SLC34A2: variants seen among roughly 807,000 people sequenced by gnomAD.
The protein encoded by SLC34A2 is sodium-dependent phosphate transport protein 2B.
SLC34A2 carries 41 observed loss-of-function variants against 50.8 expected under a neutral mutation model. That is an observed-to-expected ratio of 0.81 (90% CI 0.63 to 1.05). The LOEUF is 1.05. Ranked by LOEUF, SLC34A2 falls within the 50% of genes least tolerant of loss-of-function variation. SLC34A2 has a pLI of 0.00. For synonymous variants in SLC34A2, 401 were observed against 364.2 expected, an observed-to-expected ratio of 1.10 and a Z score of -1.15; for missense variants, 879 against 876.7, an observed-to-expected ratio of 1.00 and a Z score of -0.03.
chr4:25,666,073 T>C (rs920703740), intron 4 of SLC34A2, 55 bp from the exon 5 acceptor site: 4 of 1,604,250 alleles, frequency 2.5e-6, no homozygotes, highest in South Asian at 2.2e-5. Flanking sequence ...AGTGCCCACC[T>C]AATCCCCCTC....
chr4:25,668,834 T>C (rs1714655145), intron 6 of SLC34A2, among the ~76,000 whole-genome samples: 1 of 151,660 alleles, frequency 6.6e-6, no homozygotes, highest in Non-Finnish European at 1.5e-5. Context: ...CTGGAAACTC[T>C]TTTCTTTCAA....
At position 25,669,826 on chromosome 4, in the gene SLC34A2, C is replaced by T; in HGVS notation, c.815C>T (p.Thr272Ile). ...DLLKVITKPFTKLIVQLDKKV... is the reference protein window; with the variant it reads ...DLLKVITKPFIKLIVQLDKKV... ...CTGAAAGTCATCACTAAGCCCTTCA[C>T]AAAGCTCATTGTCCAGGTAACTTAG... is the stretch of plus-strand genomic sequence containing the variant. Residue 272 changes from threonine (T) to isoleucine (I), a missense_variant, in exon 7 of 13, where the codon ACA becomes ATA. Transcript: ENST00000382051. 1 of 1,614,166 alleles carries T rather than the reference C, an allele frequency of 6.2e-7. No individual in the cohort carries two copies. The highest frequency in any genetic ancestry group is 8.5e-7 in the Non-Finnish European group (1 of 1,180,002).
At chr4:25,675,466 T>C (rs1715062480) in intron 12 of SLC34A2, among the ~76,000 whole-genome samples, 1 of 152,234 alleles carries the variant, frequency 6.6e-6, no homozygotes, top group Non-Finnish European at 1.5e-5. Flanking sequence ...AAAGATCTGA[T>C]GAGGCAAAGC....
chr4:25,673,289 G>GATGGA (rs372725249), intron 10 of SLC34A2, 35 bp downstream of exon 10: 32 of 1,610,014 alleles, frequency 2.0e-5, no homozygotes, highest in Non-Finnish European at 2.7e-5. Context: ...GGCCTCACAT[G>GATGGA]TAGTCACTGC....
In SLC34A2 at chr4:25,676,227, G is replaced by A. The variant is rs761538283; in HGVS notation, c.1551G>A (p.Gly517=). The change falls in exon 13 of 13, where the codon GGG becomes GGA. Residue 517 remains glycine (G), a synonymous_variant. Transcript: ENST00000382051. ...FTRLPIRMAK[G]LGNISAKYRW... ...GCCTGCCCATCCGCATGGCCAAGGG[G>A]CTGGGCAACATCTCTGCCAAGTATC... is the stretch of plus-strand genomic sequence containing the variant. 6.2e-7 allele frequency: 1 copy of A among 1,614,174 alleles called. No individual in the cohort carries two copies. Among genetic ancestry groups the A allele is most frequent in the South Asian group, 1.1e-5 (1 of 91,072 alleles).
chr4:25,665,947 G>A (rs530116650), intron 4 of SLC34A2, among the ~76,000 whole-genome samples, 181 bp from the exon 5 acceptor site: 14 of 152,132 alleles, frequency 9.2e-5, no homozygotes, highest in African/African-American at 2.9e-4. Context: ...CTGCCTTATC[G>A]GGGCAGCACT....
chr4:25,676,330 T>G lies in SLC34A2; in HGVS notation c.1654T>G (p.Trp552Gly). The change falls in exon 13 of 13, where the codon TGG (tryptophan) becomes GGG (glycine). Residue 552 changes from tryptophan (W) to glycine (G), a missense_variant. Trp to Gly is a radical substitution (Grantham distance 184). Coordinates refer to ENST00000382051, the MANE Select transcript of SLC34A2 (RefSeq NM_006424.3). ...LTVFGLSLAGWRVLVGVGVPV... is the reference protein window; with the variant it reads ...LTVFGLSLAGGRVLVGVGVPV... ...GGTGTTTGGCCTCTCGCTGGCCGGC[T>G]GGCGGGTGCTGGTTGGTGTCGGGGT... 5 of 1,614,226 alleles carry G rather than the reference T, an allele frequency of 3.1e-6. No individual in the cohort carries two copies. Among genetic ancestry groups the G allele is most frequent in the Non-Finnish European group, 4.2e-6 (5 of 1,180,050 alleles).
Position 25,674,024 on chromosome 4 carries a change from G to T in SLC34A2, c.1217-272G>T, listed in dbSNP as rs570034900. ...CTCAGCACTTTCTGGAAGGAGAGTG[G>T]TTACTTGGGTGGGTTCACTCTTTCT... On this transcript the variant is annotated intron_variant, in intron 10 of 12. Transcript: ENST00000382051. Among the ~76,000 whole-genome samples the T allele has an allele frequency of 2.0e-5, 3 of 152,340 alleles. No homozygotes were observed. In the South Asian group the frequency reaches 6.2e-4, roughly 32 times the overall value.
At position 25,676,176 on chromosome 4, in the gene SLC34A2, G is replaced by T; in HGVS notation, c.1500G>T (p.Leu500Phe). The T allele has an allele frequency of 6.2e-7, 1 of 1,614,160 alleles. No homozygotes were observed. Among genetic ancestry groups the T allele is most frequent in the Non-Finnish European group, 8.5e-7 (1 of 1,180,052 alleles). ...CHFFFNISGI[L>F]LWYPIPFTRL... The stretch of plus-strand genomic sequence containing the variant: ...TTTTCTTCAACATCTCCGGCATCTT[G>T]CTGTGGTACCCGATCCCGTTCACTC... Residue 500 changes from leucine (L) to phenylalanine (F), a missense_variant, in exon 13 of 13, where the codon TTG becomes TTT. By Grantham distance (22) the Leu-to-Phe change is conservative. Transcript: ENST00000382051.
chr4:25,674,647 G>T lies in SLC34A2; in HGVS notation c.1458+18G>T, dbSNP rs560429477. The T allele has an allele frequency of 1.2e-6, 2 of 1,613,942 alleles. No individual in the cohort carries two copies. The highest frequency in any genetic ancestry group is 1.7e-6 in the Non-Finnish European group (2 of 1,179,808). The stretch of plus-strand genomic sequence containing the variant: ...CACTCCAGGTCAGGACTTGGGGCAC[G>T]GGGACAGGGGCCCTGGGAGTGGGAC... On this transcript the variant is annotated intron_variant, in intron 12 of 12. Transcript: ENST00000382051.
intron 1 of SLC34A2, among the ~76,000 whole-genome samples, chr4:25,656,841 G>A (rs918625862): frequency 1.3e-5 from 2 of 152,142 alleles, no homozygotes; most frequent in Admixed American, 1.3e-4. Flanking sequence ...GGTGCCCCAG[G>A]GGGTTTCTGT....
At chr4:25,661,500 G>T (rs1243209011) in intron 1 of SLC34A2, among the ~76,000 whole-genome samples, 1 of 152,100 alleles carries the variant, frequency 6.6e-6, no homozygotes, top group Non-Finnish European at 1.5e-5. Context: ...CAATTCTCAT[G>T]CCTCAGCCTC....
At chr4:25,667,329 C>T (rs6839037) in intron 5 of SLC34A2, among the ~76,000 whole-genome samples, 20,702 of 151,992 alleles carry the variant, frequency 0.14, 2,489 homozygotes, top group East Asian at 0.58. Flanking sequence ...CTGACCAACA[C>T]GGTGAAACCC....
intron 10 of SLC34A2, among the ~76,000 whole-genome samples, 188 bp downstream of exon 10, chr4:25,673,442 G>A (rs568592350): frequency 6.6e-6 from 1 of 152,222 alleles, no homozygotes; most frequent in South Asian, 2.1e-4. Context: ...TAGGGAGCAG[G>A]CCCAAGTTTC....
intron 8 of SLC34A2, 41 bp downstream of exon 8, chr4:25,670,874 TTG>T: frequency 6.8e-7 from 1 of 1,477,332 alleles, no homozygotes; most frequent in Non-Finnish European, 9.5e-7. Context: ...GAGTGAACCT[TTG>T]CATCTGAACA....
rs761549042 is a variant in SLC34A2 at position 25,676,583 on chromosome 4, C to CCAAGTGCTGCCGCTGCAG, written c.1918_1935dup (p.Arg640_Cys645dup). On this transcript the variant is annotated inframe_insertion, in exon 13 of 13. Transcript: ENST00000382051. ...GCGTGCTGCTTGCTGTGTGACTGCCCCAAGTGCTGCCGCTGCAGCAAGTGC... is the reference window on the plus strand; with the variant it reads ...GCGTGCTGCTTGCTGTGTGACTGCCCCAAGTGCTGCCGCTGCAGCAAGTGCTGCCGCTGCAGCAAGTGC... The CCAAGTGCTGCCGCTGCAG allele has an allele frequency of 1.1e-5, 18 of 1,612,900 alleles. No homozygotes were observed. Among genetic ancestry groups the CCAAGTGCTGCCGCTGCAG allele is most frequent in the Non-Finnish European group, 1.4e-5 (17 of 1,179,174 alleles).
rs939335107 is a variant in SLC34A2 at position 25,677,130 on chromosome 4, C to T, written c.*381C>T. On this transcript the variant is annotated 3_prime_UTR_variant, in exon 13 of 13. Coordinates refer to ENST00000382051, the MANE Select transcript of SLC34A2 (RefSeq NM_006424.3). Reference sequence around the variant, plus strand: ...GGGAAGGAATGTATGAGAGGCTCTCCCAGATGAGGAAGTGTACTCTCTATG... The same window carrying T: ...GGGAAGGAATGTATGAGAGGCTCTCTCAGATGAGGAAGTGTACTCTCTATG... The T allele has an allele frequency of 4.1e-5, 11 of 266,462 alleles. No individual in the cohort carries two copies. The highest frequency in any genetic ancestry group is 7.3e-5 in the Non-Finnish European group (10 of 136,794). 16.5% of individuals were successfully genotyped at this position (266,462 alleles called of 1,614,324 possible).
intron 4 of SLC34A2, among the ~76,000 whole-genome samples, chr4:25,665,677 T>C (rs754606139): frequency 4.7e-5 from 7 of 150,464 alleles, no homozygotes; most frequent in Non-Finnish European, 1.0e-4. Flanking sequence ...TAAGGGTGGA[T>C]AGAGAGATCT....
chr4:25,662,561 G>A lies in SLC34A2; in HGVS notation c.61G>A (p.Ala21Thr), dbSNP rs780162354. 1.2e-6 allele frequency: 2 copies of A among 1,613,972 alleles called. No individual in the cohort carries two copies. The highest frequency in any genetic ancestry group is 2.2e-5 in the East Asian group (1 of 44,880). ...QPNPDKYLEG[A>T]AGQQPTAPDK... is the part of the protein sequence containing the mutation. ...CAACCCCGATAAGTACCTCGAAGGG[G>A]CCGCAGGTCAGCAGCCCACTGCCCC... The change falls in exon 2 of 13, where the codon GCC becomes ACC. Residue 21 changes from alanine to threonine, a missense_variant. Transcript: ENST00000382051.
Sources: allele counts gnomAD v4.1 joint callset (sites outside exome capture counted in the v4.1 genomes callset), GRCh38; gene constraint gnomAD v4.1.1; transcripts MANE v1.5; gene names NCBI Gene and HGNC (gene_info 2026-07-23, HGNC 2026-07-21).